The following SLC2A9 variants were observed in gnomAD, a reference collection of about 807,000 sequenced individuals.
The protein encoded by SLC2A9 is solute carrier family 2 member 9.
A neutral mutation model predicts 50.6 loss-of-function variants in SLC2A9; 39 were observed. The ratio of observed to expected loss-of-function variants is 0.77; its 90% CI spans 0.60 to 1.01. SLC2A9 has a LOEUF of 1.01. Among genes scored for constraint, SLC2A9 ranks in the 50% least tolerant of loss-of-function variants. The pLI, the probability that SLC2A9 is intolerant of heterozygous loss-of-function variation, is 0.00. For synonymous variants in SLC2A9, 324 were observed against 276.9 expected, an observed-to-expected ratio of 1.17 and a Z score of -1.69; for missense variants, 686 against 677.6, an observed-to-expected ratio of 1.01 and a Z score of -0.14.
At chr4:9,957,160 CCA>C (rs1560384325) in intron 5 of SLC2A9, among the ~76,000 whole-genome samples, 2 of 151,948 alleles carry the variant, frequency 1.3e-5, no homozygotes, top group East Asian at 3.9e-4. Context: ...ATCAATGGAA[CCA>C]CAGTCATTCC....
intron 2 of SLC2A9, among the ~76,000 whole-genome samples, chr4:10,003,051 C>T (rs1333276379): frequency 1.3e-5 from 2 of 152,126 alleles, no homozygotes; most frequent in Non-Finnish European, 2.9e-5. Flanking sequence ...CCAGGAACTA[C>T]TGCAAGTATG....
intron 10 of SLC2A9, among the ~76,000 whole-genome samples, chr4:9,884,026 G>A (rs188434452): frequency 6.6e-6 from 1 of 152,306 alleles, no homozygotes; most frequent in African/African-American, 2.4e-5. Context: ...GAGACACTCG[G>A]GGTTGGCAGA....
intron 2 of SLC2A9, among the ~76,000 whole-genome samples, chr4:10,001,228 T>C (rs954525851): frequency 6.6e-6 from 1 of 152,170 alleles, no homozygotes; most frequent in African/African-American, 2.4e-5. Flanking sequence ...TGTGACCTTA[T>C]TTGGAGACAA....
intron 3 of SLC2A9, among the ~76,000 whole-genome samples, chr4:9,800,596 G>C (rs1032251080): frequency 1.3e-5 from 2 of 152,196 alleles, no homozygotes; most frequent in East Asian, 3.8e-4. Context: ...CATACACTTT[G>C]TGGTACACTC....
intron 10 of SLC2A9, among the ~76,000 whole-genome samples, chr4:9,837,237 T>C (rs565447552): frequency 2.0e-5 from 3 of 152,354 alleles, no homozygotes; most frequent in African/African-American, 7.2e-5. Context: ...TGATATGCTG[T>C]TCACTACAAA....
intron 2 of SLC2A9, among the ~76,000 whole-genome samples, chr4:10,017,271 G>C (rs114643612): frequency 6.6e-6 from 1 of 152,184 alleles, no homozygotes; most frequent in Non-Finnish European, 1.5e-5. Context: ...ACATAACTCT[G>C]CTCCACAAGC....
At chr4:9,863,514 T>G (rs1731979889) in intron 10 of SLC2A9, among the ~76,000 whole-genome samples, 1 of 152,122 alleles carries the variant, frequency 6.6e-6, no homozygotes, top group African/African-American at 2.4e-5. Flanking sequence ...ATGATCAGCA[T>G]ATATTTCAGA....
intron 7 of SLC2A9, among the ~76,000 whole-genome samples, chr4:9,913,865 C>A (rs1373771317): frequency 6.6e-5 from 10 of 152,244 alleles, no homozygotes; most frequent in Non-Finnish European, 1.5e-5. Context: ...ATAGAGCTAA[C>A]ATTTTCATCC....
chr4:9,999,322 C>T lies in SLC2A9; in HGVS notation c.250-2381G>A, dbSNP rs112111768. ...TGCGATCCTCCCGCTGCAGCCTCCC[C>T]AGACCTTTTATTCTTAACCTGGATT... is the stretch of plus-strand genomic sequence containing the variant. On this transcript the variant is annotated intron_variant, in intron 2 of 11. Coordinates refer to ENST00000264784, the MANE Select transcript of SLC2A9 (RefSeq NM_020041.3). Among the ~76,000 whole-genome samples the T allele has an allele frequency of 4.6e-5, 7 of 152,054 alleles. No homozygotes were observed. The South Asian group carries it at 6.2e-4, about 14-fold the overall frequency.
At chr4:9,891,218 C>A (rs1349819928) in intron 8 of SLC2A9, among the ~76,000 whole-genome samples, 1 of 152,110 alleles carries the variant, frequency 6.6e-6, no homozygotes, top group Non-Finnish European at 1.5e-5. Context: ...TGTGGGGAGT[C>A]CCTGGGGAAG....
chr4:9,998,714 T>C (rs1008103312), intron 2 of SLC2A9, among the ~76,000 whole-genome samples: 1 of 152,126 alleles, frequency 6.6e-6, no homozygotes, highest in African/African-American at 2.4e-5. Context: ...CATGGCAGCA[T>C]TGCACATAAT....
At chr4:9,894,624 T>A (rs561326504) in intron 8 of SLC2A9, among the ~76,000 whole-genome samples, 23 of 152,252 alleles carry the variant, frequency 1.5e-4, no homozygotes, top group African/African-American at 2.2e-4. Context: ...CAATTTTTCA[T>A]AACTGTGTAA....
chr4:9,970,913 C>T (rs933201225), intron 5 of SLC2A9, among the ~76,000 whole-genome samples: 1 of 152,196 alleles, frequency 6.6e-6, no homozygotes, highest in Non-Finnish European at 1.5e-5. Flanking sequence ...AGATTCCAGA[C>T]ATTATATAGA....
chr4:9,882,959 T>C (rs1735493102), intron 10 of SLC2A9, among the ~76,000 whole-genome samples: 1 of 152,198 alleles, frequency 6.6e-6, no homozygotes, highest in Admixed American at 6.5e-5. Context: ...GGTTTAGCTA[T>C]GGGGCTAGCT....
intron 8 of SLC2A9, among the ~76,000 whole-genome samples, chr4:9,902,630 G>A (rs889822261): frequency 2.0e-5 from 3 of 152,104 alleles, no homozygotes; most frequent in Non-Finnish European, 4.4e-5. Flanking sequence ...TCTGTTGCAG[G>A]GCCCTCTCCT....
At chr4:9,879,490 G>T (rs1372795964) in intron 10 of SLC2A9, 2 of 985,166 alleles carry the variant, frequency 2.0e-6, no homozygotes, top group African/African-American at 3.5e-5. Context: ...GGGCAGGCAG[G>T]GCAGGCAGAG....
intron 3 of SLC2A9, among the ~76,000 whole-genome samples, chr4:9,818,986 G>A (rs1724020549): frequency 6.6e-6 from 1 of 152,030 alleles, no homozygotes; most frequent in Admixed American, 6.6e-5. Context: ...GCCAGGTGTG[G>A]TGGCAGGTGC....
At position 10,019,066 on chromosome 4, in the gene SLC2A9, G is replaced by A. The variant is rs1247947058; in HGVS notation, c.158C>T (p.Ser53Phe). Residue 53 changes from serine to phenylalanine, a missense_variant, in exon 2 of 12, where the codon TCC (serine) becomes TTC (phenylalanine). Physicochemically the swap from Ser to Phe is radical, Grantham distance 155 (BLOSUM62 -2). Coordinates refer to ENST00000264784, the MANE Select transcript of SLC2A9 (RefSeq NM_020041.3). ...GAGGGAGGCCACGAGGAGCGAGCAGGACCAGTCCTGAGGGGAGAGGAAACC... is the reference window on the plus strand; with the variant it reads ...GAGGGAGGCCACGAGGAGCGAGCAGAACCAGTCCTGAGGGGAGAGGAAACC... Reference protein sequence around the residue: ...VPGGRRRKDWSCSLLVASLAG... With the variant: ...VPGGRRRKDWFCSLLVASLAG... 3 of 1,551,238 alleles carry A rather than the reference G, an allele frequency of 1.9e-6. No individual in the cohort carries two copies. Among genetic ancestry groups the A allele is most frequent in the Non-Finnish European group, 2.6e-6 (3 of 1,146,962 alleles).
In SLC2A9 at chr4:9,788,356, A is replaced by ATTTTTT. The variant is rs36144026; in HGVS notation, n.386-8297_386-8292dup. ...AGTCATATGCCACCATGCCCAGGTA[A>ATTTTTT]TTTTTTTTTTTTTTTGTAGAGACGG... On this transcript the variant is annotated intron_variant and non_coding_transcript_variant, in intron 3 of 3. Transcript: ENST00000503803. Among the ~76,000 whole-genome samples the ATTTTTT allele has an allele frequency of 7.3e-5, 10 of 136,878 alleles. 1 individual carries two copies. The highest frequency in any genetic ancestry group is 1.5e-4 in the Admixed American group (2 of 13,376). 89.8% of individuals were successfully genotyped at this position (136,878 alleles called of 152,430 possible).
Sources: allele counts gnomAD v4.1 joint callset (sites outside exome capture counted in the v4.1 genomes callset), GRCh38; gene constraint gnomAD v4.1.1; transcripts MANE v1.5; gene names NCBI Gene and HGNC (gene_info 2026-07-23, HGNC 2026-07-21).